The following PRKG1 variants were observed in gnomAD, a reference collection of about 807,000 sequenced individuals.
The protein encoded by PRKG1 is protein kinase cGMP-dependent 1.
Under a neutral mutation model 88.1 loss-of-function variants are expected in PRKG1, and 35 were observed. The ratio of observed to expected loss-of-function variants is 0.40; its 90% CI spans 0.30 to 0.53. The LOEUF is 0.53. Among genes scored for constraint, PRKG1 ranks in the 20% least tolerant of loss-of-function variants. The pLI is 0.59. For missense variants in PRKG1, 540 were observed against 839.8 expected, an observed-to-expected ratio of 0.64 and a Z score of 4.41; for synonymous variants, 303 against 292.5, an observed-to-expected ratio of 1.04 and a Z score of -0.37.
chr10:51,407,178 A>G (rs1171699522), intron 2 of PRKG1, among the ~76,000 whole-genome samples: 1 of 152,180 alleles, frequency 6.6e-6, no homozygotes, highest in African/African-American at 2.4e-5. Flanking sequence ...CCCAGGATCA[A>G]TACTTTGCAT....
intron 3 of PRKG1, among the ~76,000 whole-genome samples, chr10:51,668,735 AT>A (rs772251990): frequency 1.6e-4 from 24 of 152,256 alleles, no homozygotes; most frequent in East Asian, 7.7e-4. Flanking sequence ...GAAAAAAAAA[AT>A]ATATGAGTTT....
At chr10:51,020,125 C>T (rs1018602022) in intron 1 of PRKG1, among the ~76,000 whole-genome samples, 2 of 152,114 alleles carry the variant, frequency 1.3e-5, no homozygotes, top group East Asian at 1.9e-4. Context: ...AATTACCATA[C>T]GAGCTAACTA....
At chr10:51,081,032 C>G (rs1308904884) in intron 1 of PRKG1, among the ~76,000 whole-genome samples, 1 of 152,184 alleles carries the variant, frequency 6.6e-6, no homozygotes, top group African/African-American at 2.4e-5. Context: ...TAATAGTACA[C>G]TCTCAAAACT....
chr10:51,578,631 C>T (rs1837947519), intron 3 of PRKG1, among the ~76,000 whole-genome samples: 1 of 152,104 alleles, frequency 6.6e-6, no homozygotes, highest in Non-Finnish European at 1.5e-5. Flanking sequence ...AATACATATG[C>T]CCCTTAACTA....
chr10:51,643,684 C>T (rs886779243), intron 3 of PRKG1, among the ~76,000 whole-genome samples: 1 of 152,196 alleles, frequency 6.6e-6, no homozygotes, highest in African/African-American at 2.4e-5. Flanking sequence ...AAGTAATTCT[C>T]TGGTGTCCTT....
At chr10:51,528,668 G>A (rs1240424342) in intron 3 of PRKG1, among the ~76,000 whole-genome samples, 2 of 151,452 alleles carry the variant, frequency 1.3e-5, no homozygotes, top group African/African-American at 4.9e-5. Context: ...CTTTCTTCTC[G>A]GGGTGGGGGG....
rs549871493 is a variant in PRKG1 at position 51,043,771 on chromosome 10, G to A, written c.266+52127G>A. On this transcript the variant is annotated intron_variant, in intron 1 of 17. Coordinates refer to the PRKG1 transcript ENST00000401604. ...GTAGTCTGAGCCTGATAAATATTTTGGTGTATGAGTGAGTGAATGTTGAAA... is the reference window on the plus strand; with the variant it reads ...GTAGTCTGAGCCTGATAAATATTTTAGTGTATGAGTGAGTGAATGTTGAAA... Among the ~76,000 whole-genome samples the A allele has an allele frequency of 2.8e-4, 42 of 152,156 alleles. No individual in the cohort carries two copies. In the East Asian group the frequency reaches 7.7e-3, roughly 28 times the overall value.
intron 2 of PRKG1, among the ~76,000 whole-genome samples, chr10:51,411,980 A>AACTT: frequency 6.6e-6 from 1 of 152,172 alleles, no homozygotes; most frequent in Non-Finnish European, 1.5e-5. Flanking sequence ...ATTTAGAATT[A>AACTT]ACTTATTTTC....
intron 1 of PRKG1, among the ~76,000 whole-genome samples, chr10:51,086,772 T>C (rs910241144): frequency 2.6e-5 from 4 of 152,172 alleles, no homozygotes; most frequent in Admixed American, 6.6e-5. Context: ...AGGAGGATAC[T>C]CTTCTCGAGT....
intron 5 of PRKG1, among the ~76,000 whole-genome samples, chr10:52,031,357 C>A (rs1845469977): frequency 6.6e-6 from 1 of 152,158 alleles, no homozygotes; most frequent in Admixed American, 6.5e-5. Context: ...AAGTCTTCTG[C>A]AGATGTTAGA....
intron 4 of PRKG1, among the ~76,000 whole-genome samples, chr10:51,830,743 G>T (rs1287311661): frequency 6.6e-6 from 1 of 151,570 alleles, no homozygotes; most frequent in Non-Finnish European, 1.5e-5. Context: ...TGTATTTTTA[G>T]TAGAGACAGG....
intron 3 of PRKG1, among the ~76,000 whole-genome samples, chr10:51,498,849 A>G (rs1433927327): frequency 4.0e-5 from 6 of 150,742 alleles, no homozygotes; most frequent in Non-Finnish European, 7.4e-5. Context: ...CTCTTTCTTC[A>G]TGTTTTTTTC....
intron 2 of PRKG1, among the ~76,000 whole-genome samples, chr10:51,215,557 G>C (rs1449791334): frequency 1.3e-5 from 2 of 152,154 alleles, no homozygotes; most frequent in African/African-American, 4.8e-5. Context: ...ATTTTTGCAG[G>C]GGGCATGGAG....
chr10:51,801,629 T>C (rs567009916), intron 3 of PRKG1, among the ~76,000 whole-genome samples: 1 of 152,170 alleles, frequency 6.6e-6, no homozygotes. Context: ...CTTCCAGAAT[T>C]TGAGTTGAAC....
rs544074747 is a variant in PRKG1 at position 51,748,163 on chromosome 10, T to C, written c.593-56422T>C. Among the ~76,000 whole-genome samples, 3 of 152,356 alleles carry C rather than the reference T, an allele frequency of 2.0e-5. No homozygotes were observed. In the East Asian group the frequency reaches 5.8e-4, roughly 29 times the overall value. On this transcript the variant is annotated intron_variant, in intron 3 of 17. Coordinates refer to ENST00000373980, the MANE Select transcript of PRKG1 (RefSeq NM_006258.4). ...ATATTTCAGTGCCCATCCAGTCTTA[T>C]CCAAGGGAGAAGCAGACCAAGTCTC...
At chr10:52,070,293 T>G (rs1846464261) in intron 7 of PRKG1, among the ~76,000 whole-genome samples, 1 of 144,102 alleles carries the variant, frequency 6.9e-6, no homozygotes, top group Non-Finnish European at 1.6e-5. Context: ...GAATTTTGGG[T>G]TAGGTGTAAA....
intron 12 of PRKG1, 132 bp from the exon 13 acceptor site, chr10:52,280,657 A>T: frequency 1.1e-6 from 1 of 944,968 alleles, no homozygotes; most frequent in Non-Finnish European, 1.6e-6. Context: ...ATCATGTAAC[A>T]TTTAGCTAGC....
In PRKG1 at chr10:51,687,223, T is replaced by G. The variant is rs12256511; in HGVS notation, c.593-117362T>G. ...ATTTGTACTCTTAATTATGATTAGG[T>G]TCAAAGACAAGGTTAAAAGCACAAA... On this transcript the variant is annotated intron_variant, in intron 3 of 17. Transcript: ENST00000373980. Among the ~76,000 whole-genome samples, 1,256 of 152,338 alleles carry G rather than the reference T, an allele frequency of 8.2e-3. 10 individuals carry two copies. Among genetic ancestry groups the G allele is most frequent in the Middle Eastern group, 0.027 (8 of 294 alleles).
At chr10:51,899,668 A>AATTTATATATATATATATATAT in intron 4 of PRKG1, among the ~76,000 whole-genome samples, 1 of 54,278 alleles carries the variant, frequency 1.8e-5, no homozygotes, top group Admixed American at 2.2e-4. Context: ...AAAAAAGAAA[A>AATTTATATATATATATATATAT]ATGTATATAT....
Sources: allele counts gnomAD v4.1 joint callset (sites outside exome capture counted in the v4.1 genomes callset), GRCh38; gene constraint gnomAD v4.1.1; transcripts MANE v1.5; gene names NCBI Gene and HGNC (gene_info 2026-07-23, HGNC 2026-07-21).